NRXN1: variants seen among roughly 807,000 people sequenced by gnomAD.
NRXN1 encodes neurexin 1.
NRXN1 carries 39 observed loss-of-function variants against 150.9 expected under a neutral mutation model. The ratio of observed to expected loss-of-function variants is 0.26; its 90% CI spans 0.20 to 0.34. NRXN1 has a LOEUF of 0.34. NRXN1 is among the 10% of genes least tolerant of loss of function. The pLI is 1.00. For synonymous variants in NRXN1, 924 were observed against 757.0 expected, an observed-to-expected ratio of 1.22 and a Z score of -3.62; for missense variants, 1,815 against 1,949.9, an observed-to-expected ratio of 0.93 and a Z score of 1.30.
In NRXN1 at chr2:50,712,164, A is replaced by T. The variant is rs1695252699; in HGVS notation, c.833-88549T>A. Among the ~76,000 whole-genome samples, 3 of 150,828 alleles carry T rather than the reference A, an allele frequency of 2.0e-5. No individual in the cohort carries two copies. The South Asian group carries it at 6.3e-4, about 32-fold the overall frequency. ...TCTTCACAAAGATGCCATTTATGAAATATTATTGATTACATTTTACAGATT... is the reference window on the plus strand; with the variant it reads ...TCTTCACAAAGATGCCATTTATGAATTATTATTGATTACATTTTACAGATT... On this transcript the variant is annotated intron_variant, in intron 5 of 22. Transcript: ENST00000401669.
chr2:50,870,166 T>C (rs1677560224), intron 5 of NRXN1, among the ~76,000 whole-genome samples: 1 of 151,916 alleles, frequency 6.6e-6, no homozygotes, highest in Non-Finnish European at 1.5e-5. Context: ...ACAAATAATA[T>C]AAAAATACAT....
intron 5 of NRXN1, among the ~76,000 whole-genome samples, chr2:50,845,162 T>TA (rs1673456509): frequency 6.6e-6 from 1 of 152,222 alleles, no homozygotes; most frequent in Admixed American, 6.5e-5. Context: ...TCTCTGAATT[T>TA]AAAAAATTGC....
At chr2:50,294,084 A>T (rs1451497880) in intron 17 of NRXN1, among the ~76,000 whole-genome samples, 1 of 152,226 alleles carries the variant, frequency 6.6e-6, no homozygotes, top group Non-Finnish European at 1.5e-5. Context: ...CAGATGACTT[A>T]CTAAAAGAAC....
intron 5 of NRXN1, among the ~76,000 whole-genome samples, chr2:50,723,346 T>C (rs1696914661): frequency 6.6e-6 from 1 of 152,218 alleles, no homozygotes; most frequent in Non-Finnish European, 1.5e-5. Context: ...AGAACTATTA[T>C]TCAAAGCTTT....
chr2:50,606,937 G>T (rs1324409847), intron 8 of NRXN1, among the ~76,000 whole-genome samples: 1 of 151,878 alleles, frequency 6.6e-6, no homozygotes, highest in African/African-American at 2.4e-5. Flanking sequence ...AAAAGAAAGA[G>T]TTTATTAAGA....
At position 50,714,066 on chromosome 2, in the gene NRXN1, G is replaced by A. The variant is rs558417350; in HGVS notation, c.833-90451C>T. 4.2e-4 allele frequency among the ~76,000 whole-genome samples: 64 copies of A among 152,102 alleles called. No individual in the cohort carries two copies. In the Middle Eastern group the frequency reaches 0.014, roughly 32 times the overall value. ...TAGGCTTTTACTTTAAAAATTAAGG[G>A]CAAATTATTTAAAATATTAGAAAAG... On this transcript the variant is annotated intron_variant, in intron 5 of 22. Coordinates refer to ENST00000401669, the MANE Select transcript of NRXN1 (RefSeq NM_001330078.2).
chr2:50,966,096 T>C (rs569201737), intron 2 of NRXN1, among the ~76,000 whole-genome samples: 2 of 151,738 alleles, frequency 1.3e-5, no homozygotes, highest in Admixed American at 6.6e-5. Flanking sequence ...TCACCTATTT[T>C]TAAAATGTTA....
Position 50,084,569 on chromosome 2 carries a change from C to CGGT in NRXN1, c.3718+6751_3718+6753dup, listed in dbSNP as rs1698515837. Among the ~76,000 whole-genome samples, 6 of 152,294 alleles carry CGGT rather than the reference C, an allele frequency of 3.9e-5. No individual in the cohort carries two copies. In the South Asian group the frequency reaches 1.2e-3, roughly 32 times the overall value. On this transcript the variant is annotated intron_variant, in intron 19 of 22. Coordinates refer to ENST00000401669, the MANE Select transcript of NRXN1 (RefSeq NM_001330078.2). Reference sequence around the variant, plus strand: ...GGCCTGCAAGCGCCGCACGCAGCCCCGGTTCCCGCCCGTGCCTCTCCCTCC... The same window carrying CGGT: ...GGCCTGCAAGCGCCGCACGCAGCCCCGGTGGTTCCCGCCCGTGCCTCTCCCTCC...
Position 50,076,927 on chromosome 2 carries a change from A to G in NRXN1, c.3718+14396T>C, listed in dbSNP as rs1444994057. 3.3e-5 allele frequency among the ~76,000 whole-genome samples: 5 copies of G among 152,176 alleles called. No homozygotes were observed. In the East Asian group the frequency reaches 9.6e-4, roughly 29 times the overall value. ...CTGAGCATCATCTGACCTGGTGAGG[A>G]CCAACAATAACATTTTATGAATTAT... On this transcript the variant is annotated intron_variant, in intron 19 of 22. Coordinates refer to ENST00000401669, the MANE Select transcript of NRXN1 (RefSeq NM_001330078.2).
At chr2:50,404,175 TTTGTTGTTGTTGTTG>T (rs147734893) in intron 17 of NRXN1, among the ~76,000 whole-genome samples, 1 of 151,606 alleles carries the variant, frequency 6.6e-6, no homozygotes, top group African/African-American at 2.4e-5. Context: ...TTTGTTTTGT[TTTGTTGTTGTTGTTG>T]TTGTTGTTGT....
At chr2:50,775,426 T>C (rs1659167450) in intron 5 of NRXN1, among the ~76,000 whole-genome samples, 1 of 152,184 alleles carries the variant, frequency 6.6e-6, no homozygotes, top group African/African-American at 2.4e-5. Context: ...TAGATTCTAT[T>C]CAAATGTGCT....
chr2:50,112,899 A>G (rs900133533), intron 18 of NRXN1, among the ~76,000 whole-genome samples: 12 of 152,196 alleles, frequency 7.9e-5, no homozygotes, highest in Admixed American at 1.3e-4. Context: ...CATCAAAAGA[A>G]ATCAGAAAAT....
At chr2:49,938,841 T>A (rs1671486438) in intron 22 of NRXN1, among the ~76,000 whole-genome samples, 1 of 152,170 alleles carries the variant, frequency 6.6e-6, no homozygotes, top group Non-Finnish European at 1.5e-5. Flanking sequence ...AACATAAAAC[T>A]CACCTTTTTA....
At chr2:50,661,990 C>A (rs1487712303) in intron 5 of NRXN1, among the ~76,000 whole-genome samples, 1 of 151,988 alleles carries the variant, frequency 6.6e-6, no homozygotes. Context: ...TCCTTAAGGC[C>A]TTCACTCCCT....
In NRXN1 at chr2:51,027,929, G is replaced by C; in HGVS notation, c.345C>G (p.His115Gln). 1 of 1,605,894 alleles carries C rather than the reference G, an allele frequency of 6.2e-7. No homozygotes were observed. Among genetic ancestry groups the C allele is most frequent in the Non-Finnish European group, 8.5e-7 (1 of 1,179,660 alleles). ...ADTPVNDGAWHSVRIRRQFRN... is the reference protein window; with the variant it reads ...ADTPVNDGAWQSVRIRRQFRN... ...GGAACTGGCGGCGGATGCGCACGCT[G>C]TGCCAGGCGCCGTCGTTAACCGGCG... Residue 115 changes from histidine (H) to glutamine (Q), a missense_variant, in exon 2 of 23, where the codon CAC becomes CAG. Around this residue, in one of 6 missense-constraint regions of NRXN1, gnomAD observed 554 missense variants for 478.8 expected, o/e 1.16. Transcript: ENST00000401669.
In NRXN1 at chr2:50,346,569, C is replaced by G; in HGVS notation, c.3365-109599G>C. 1 of 1,060,528 alleles carries G rather than the reference C, an allele frequency of 9.4e-7. No homozygotes were observed. 65.7% of individuals were successfully genotyped at this position (1,060,528 alleles called of 1,614,324 possible). A position where few individuals can be genotyped will look rare whatever the true frequency, so the allele number is the denominator to read the frequency against. Reference sequence around the variant, plus strand: ...ATAAGTGGCTCGCACCAAGCACACCCAAATGCACCTCCCTTTTGTCGAGCT... The same window carrying G: ...ATAAGTGGCTCGCACCAAGCACACCGAAATGCACCTCCCTTTTGTCGAGCT... On this transcript the variant is annotated intron_variant, in intron 17 of 22. Transcript: ENST00000401669. The surrounding 1 kb of genome is among the most constrained non-coding windows in gnomAD (Gnocchi z 5.0).
chr2:50,575,100 G>T (rs1671212081), intron 8 of NRXN1, among the ~76,000 whole-genome samples: 1 of 152,214 alleles, frequency 6.6e-6, no homozygotes, highest in African/African-American at 2.4e-5. Context: ...AATTTCTAAA[G>T]TTGTGTATTA....
chr2:50,278,114 G>C (rs71407588), intron 17 of NRXN1, among the ~76,000 whole-genome samples: 6 of 130,688 alleles, frequency 4.6e-5, no homozygotes, highest in African/African-American at 1.5e-4. Flanking sequence ...TGTTACCCAG[G>C]CTGGAGGGCA....
In NRXN1 at chr2:50,640,735, G is replaced by C. The variant is rs568817365; in HGVS notation, c.833-17120C>G. Among the ~76,000 whole-genome samples the C allele has an allele frequency of 3.9e-5, 6 of 152,252 alleles. No individual in the cohort carries two copies. The South Asian group carries it at 1.2e-3, about 32-fold the overall frequency. On this transcript the variant is annotated intron_variant, in intron 5 of 22. Transcript: ENST00000401669. ...GCGACTGACTTAGACAATCACATTTGCCCAGATACAGAGAAATCCCTAATT... is the reference window on the plus strand; with the variant it reads ...GCGACTGACTTAGACAATCACATTTCCCCAGATACAGAGAAATCCCTAATT...
Sources: gnomAD v4.1 joint callset for allele counts (sites outside exome capture counted in the v4.1 genomes callset) on GRCh38, gnomAD v4.1.1 for gene constraint, gnomAD v4.1.1 regional missense constraint, Gnocchi (gnomAD v3.1) non-coding constraint, MANE v1.5 for transcripts, NCBI Gene and HGNC (gene_info 2026-07-23, HGNC 2026-07-21) for gene names.